Variants in CYRIB observed in about 807,000 individuals in gnomAD.
CYRIB encodes the protein CYFIP related Rac1 interactor B.
Under a neutral mutation model 44.2 loss-of-function variants are expected in CYRIB, and 8 were observed. That is an observed-to-expected ratio of 0.18 (90% CI 0.11 to 0.33). CYRIB has a LOEUF of 0.33. CYRIB is among the 10% of genes least tolerant of loss of function. The pLI, the probability that CYRIB is intolerant of heterozygous loss-of-function variation, is 1.00. For missense variants in CYRIB, 185 were observed against 382.8 expected (o/e 0.48, Z 4.31); for synonymous variants, 131 against 127.2 (o/e 1.03, Z -0.20).
At chr8:129,997,638 A>T (rs1349801221) in intron 1 of CYRIB, among the ~76,000 whole-genome samples, 1 of 152,216 alleles carries the variant, frequency 6.6e-6, no homozygotes, top group Non-Finnish European at 1.5e-5. Context: ...GGTGGGAGAT[A>T]CGTGCTAAGT....
chr8:129,998,953 A>G (rs1046449122), intron 1 of CYRIB, among the ~76,000 whole-genome samples: 1 of 152,176 alleles, frequency 6.6e-6, no homozygotes, highest in African/African-American at 2.4e-5. Flanking sequence ...ATCAATGCTA[A>G]GTAGAACAGA....
At chr8:130,002,858 G>A (rs915368750) in intron 1 of CYRIB, among the ~76,000 whole-genome samples, 1 of 152,236 alleles carries the variant, frequency 6.6e-6, no homozygotes, top group African/African-American at 2.4e-5. Flanking sequence ...AACACTTTGG[G>A]AAGCCAAGCG....
chr8:129,965,548 G>T (rs977987322), intron 2 of CYRIB, among the ~76,000 whole-genome samples: 1 of 152,134 alleles, frequency 6.6e-6, no homozygotes. Flanking sequence ...TGTAATCCCA[G>T]CACTTTGGGA....
At chr8:129,968,285 CT>C (rs1439768728) in intron 2 of CYRIB, among the ~76,000 whole-genome samples, 1 of 152,204 alleles carries the variant, frequency 6.6e-6, no homozygotes, top group Non-Finnish European at 1.5e-5. Flanking sequence ...TCATTTAACT[CT>C]TTTGTTGGAT....
At chr8:129,841,183 G>A (rs899633674) in exon 12 of CYRIB, 1 of 152,130 alleles carries the variant, frequency 6.6e-6, no homozygotes, top group African/African-American at 2.4e-5. Context: ...CCTGGAAATG[G>A]AGAATCAAGC....
intron 2 of CYRIB, chr8:129,948,065 C>T (rs1433913294): frequency 6.6e-6 from 1 of 152,172 alleles, no homozygotes; most frequent in Non-Finnish European, 1.5e-5. Flanking sequence ...ACTGTATTCC[C>T]CACCGCCCAT....
intron 1 of CYRIB, among the ~76,000 whole-genome samples, chr8:129,916,272 A>G (rs2080732070): frequency 6.6e-6 from 1 of 152,058 alleles, no homozygotes; most frequent in Non-Finnish European, 1.5e-5. Context: ...CTCACTCCTA[A>G]CTACTGCAAT....
intron 2 of CYRIB, among the ~76,000 whole-genome samples, chr8:129,947,345 C>G (rs960444836): frequency 1.3e-5 from 2 of 152,170 alleles, no homozygotes; most frequent in African/African-American, 4.8e-5. Flanking sequence ...CAGGTGTCAG[C>G]CACTGTGCCC....
At chr8:129,963,113 T>C (rs76745907) in intron 2 of CYRIB, among the ~76,000 whole-genome samples, 1 of 152,220 alleles carries the variant, frequency 6.6e-6, no homozygotes, top group Admixed American at 6.5e-5. Flanking sequence ...GGCCTTTTTT[T>C]ACCTCCTGCT....
intron 1 of CYRIB, among the ~76,000 whole-genome samples, chr8:129,981,041 G>A (rs1269069010): frequency 6.6e-6 from 1 of 151,830 alleles, no homozygotes; most frequent in African/African-American, 2.4e-5. Flanking sequence ...ATATGAAGAT[G>A]GGAAGAAGAC....
At chr8:129,852,168 T>C (rs1440015812) in exon 8 of CYRIB, 3 of 1,546,680 alleles carry the variant, frequency 1.9e-6, no homozygotes, top group South Asian at 2.4e-5. Flanking sequence ...TTACCTCTGA[T>C]ACAAATTTTG....
chr8:129,879,584 T>G, intron 2 of CYRIB, 113 bp from the exon 5 acceptor site: 39 of 724,428 alleles, frequency 5.4e-5, no homozygotes, highest in Non-Finnish European at 7.1e-5. Flanking sequence ...CATGAATTCA[T>G]TCTTCAGGTT....
intron 2 of CYRIB, among the ~76,000 whole-genome samples, chr8:129,956,541 A>ACG (rs927150573): frequency 6.6e-6 from 1 of 151,900 alleles, no homozygotes; most frequent in Admixed American, 6.6e-5. Flanking sequence ...GTTTGCACAC[A>ACG]CACACACACA....
At chr8:129,907,131 CTA>C (rs1359983221) in intron 1 of CYRIB, among the ~76,000 whole-genome samples, 1 of 152,202 alleles carries the variant, frequency 6.6e-6, no homozygotes, top group Admixed American at 6.5e-5. Flanking sequence ...AATCATGCTG[CTA>C]TAAAGACACA....
At chr8:129,993,283 C>G (rs2096683667) in intron 1 of CYRIB, among the ~76,000 whole-genome samples, 1 of 152,014 alleles carries the variant, frequency 6.6e-6, no homozygotes, top group South Asian at 2.1e-4. Flanking sequence ...ATCCCAGCTA[C>G]TTGGGAGGCT....
chr8:129,967,371 GTTTTT>G (rs141858487), intron 2 of CYRIB, among the ~76,000 whole-genome samples: 1 of 141,434 alleles, frequency 7.1e-6, no homozygotes, highest in African/African-American at 3.1e-5. Context: ...GTTTTGTTTT[GTTTTT>G]TTGTTTTTTT....
intron 1 of CYRIB, among the ~76,000 whole-genome samples, chr8:129,906,257 T>C (rs1350327616): frequency 2.0e-5 from 3 of 152,106 alleles, no homozygotes; most frequent in South Asian, 2.1e-4. Context: ...AACAGAGATA[T>C]AGACCAATGG....
intron 2 of CYRIB, among the ~76,000 whole-genome samples, chr8:129,882,033 T>C (rs1024199130): frequency 6.6e-6 from 1 of 152,226 alleles, no homozygotes; most frequent in Non-Finnish European, 1.5e-5. Flanking sequence ...CCAACATATA[T>C]GGAATGACTG....
chr8:129,981,835 G>A (rs913754125), intron 1 of CYRIB, among the ~76,000 whole-genome samples: 1 of 152,166 alleles, frequency 6.6e-6, no homozygotes, highest in African/African-American at 2.4e-5. Context: ...TTTCAGTTCA[G>A]GGAGCCTGCT....
Sources: gnomAD v4.1 joint callset for allele counts (sites outside exome capture counted in the v4.1 genomes callset) on GRCh38, gnomAD v4.1.1 for gene constraint, MANE v1.5 for transcripts, NCBI Gene and HGNC (gene_info 2026-07-23, HGNC 2026-07-21) for gene names.